Variants in UHRF1 observed in about 807,000 individuals in gnomAD.
UHRF1 encodes ubiquitin like with PHD and ring finger domains 1.
Under a neutral mutation model 96.5 loss-of-function variants are expected in UHRF1, and 9 were observed. The observed-to-expected ratio is 0.09, with a 90% CI of 0.06 to 0.16. The LOEUF (loss-of-function observed/expected upper bound fraction) is 0.16, where lower values mean the gene tolerates loss of function less well. Ranked by LOEUF, UHRF1 falls within the 10% of genes least tolerant of loss-of-function variation. The pLI is 1.00. For missense variants in UHRF1, 626 were observed against 1,131.1 expected (o/e 0.55, Z 6.40); for synonymous variants, 455 against 469.9 (o/e 0.97, Z 0.41).
At chr19:4,906,263 G>A (rs2032062415), upstream of UHRF1, among the ~76,000 whole-genome samples, 1 of 152,158 alleles carries the variant, frequency 6.6e-6, no homozygotes, top group African/African-American at 2.4e-5. Context: ...GCAGGTGTGA[G>A]CCACTGCACC....
At chr19:4,905,759 C>T (rs750298903), upstream of UHRF1, among the ~76,000 whole-genome samples, 51 of 152,040 alleles carry the variant, frequency 3.4e-4, no homozygotes, top group Non-Finnish European at 6.6e-4. Context: ...CTCAGTGATC[C>T]GCCTGCCTTG....
chr19:4,912,101 C>T lies in UHRF1; in HGVS notation c.153+1063C>T, dbSNP rs577094833. Among the ~76,000 whole-genome samples, 3 of 152,248 alleles carry T rather than the reference C, an allele frequency of 2.0e-5. No homozygotes were observed. The South Asian group carries it at 6.2e-4, about 32-fold the overall frequency. On this transcript the variant is annotated intron_variant, in intron 2 of 16. Transcript: ENST00000650932. Reference sequence around the variant, plus strand: ...GCATGCCATAGGAGACCTTCATTAGCCCTCTTCCCGTAAGAGACGTGATGA... The same window carrying T: ...GCATGCCATAGGAGACCTTCATTAGTCCTCTTCCCGTAAGAGACGTGATGA...
At chr19:4,941,292 T>C (rs2033390891) in intron 5 of UHRF1, among the ~76,000 whole-genome samples, 1 of 151,858 alleles carries the variant, frequency 6.6e-6, no homozygotes, top group Non-Finnish European at 1.5e-5. Context: ...GGGTTCACCA[T>C]GTTGGCCAGG....
At chr19:4,947,699 C>T (rs1406177756) in intron 11 of UHRF1, among the ~76,000 whole-genome samples, 1 of 151,166 alleles carries the variant, frequency 6.6e-6, no homozygotes, top group Non-Finnish European at 1.5e-5. Flanking sequence ...TGGGGTTTTG[C>T]CATGTTGGCC....
chr19:4,931,615 G>C (rs1555749108), intron 4 of UHRF1, among the ~76,000 whole-genome samples: 1 of 151,704 alleles, frequency 6.6e-6, no homozygotes, highest in Non-Finnish European at 1.5e-5. Context: ...TTACAGGTGT[G>C]TGGCCACCAC....
At chr19:4,934,181 G>A (rs762502562) in intron 5 of UHRF1, among the ~76,000 whole-genome samples, 10 of 151,540 alleles carry the variant, frequency 6.6e-5, no homozygotes, top group South Asian at 2.1e-4. Context: ...CCGCCACCAC[G>A]TCTGGCTAAT....
Position 4,954,917 on chromosome 19 carries a change from A to G in UHRF1, c.2130+95A>G. On this transcript the variant is annotated intron_variant, in intron 15 of 16. Transcript: ENST00000650932. The surrounding 1 kb of genome is among the most constrained non-coding windows in gnomAD (Gnocchi z 5.9). ...CCATGTTCCCCATTTTCAAGTGTAC[A>G]GCTCAGTCGCACTGAGTACATTCTT... 8 of 1,484,290 alleles carry G rather than the reference A, an allele frequency of 5.4e-6. No homozygotes were observed. The highest frequency in any genetic ancestry group is 7.4e-6 in the Non-Finnish European group (8 of 1,083,966). The allele number at this position is 1,484,290 out of a possible 1,614,324, so 91.9% of individuals were successfully genotyped here. A position where few individuals can be genotyped will look rare whatever the true frequency, so the allele number is the denominator to read the frequency against.
At chr19:4,911,268 T>G (rs1453701947) in intron 2 of UHRF1, among the ~76,000 whole-genome samples, 1 of 152,144 alleles carries the variant, frequency 6.6e-6, no homozygotes, top group Non-Finnish European at 1.5e-5. Context: ...CCCTCGAATC[T>G]ATAGGGTCTG....
chr19:4,908,962 G>A (rs542703186), upstream of UHRF1, among the ~76,000 whole-genome samples: 3 of 152,232 alleles, frequency 2.0e-5, no homozygotes, highest in Admixed American at 6.5e-5. Flanking sequence ...TGGAGAAGGC[G>A]GGAAAACGAG....
chr19:4,941,710 C>A, intron 6 of UHRF1, 35 bp from the exon 7 acceptor site: 1 of 1,557,288 alleles, frequency 6.4e-7, no homozygotes, highest in Non-Finnish European at 8.7e-7. Flanking sequence ...CTTGGCCGGG[C>A]CCCGCCGGAG....
chr19:4,945,473 G>A (rs1022317652), intron 9 of UHRF1, among the ~76,000 whole-genome samples: 13 of 151,952 alleles, frequency 8.6e-5, no homozygotes, highest in Non-Finnish European at 2.9e-5. Flanking sequence ...TGGCCAGGCT[G>A]GTCTTGAACT....
At position 4,943,182 on chromosome 19, in the gene UHRF1, G is replaced by A. The variant is rs1236228221; in HGVS notation, c.1074-950G>A. 2.0e-5 allele frequency among the ~76,000 whole-genome samples: 3 copies of A among 151,924 alleles called. No homozygotes were observed. The South Asian group carries it at 6.3e-4, about 32-fold the overall frequency. ...TTGAACCTGGGAGGCGGAGGTTGCC[G>A]TGAACTGAGATCGCGCCACTGCACT... On this transcript the variant is annotated intron_variant, in intron 7 of 16. Transcript: ENST00000650932.
chr19:4,919,237 TC>T (rs373953440), intron 2 of UHRF1, among the ~76,000 whole-genome samples: 64 of 151,832 alleles, frequency 4.2e-4, no homozygotes, highest in African/African-American at 1.4e-3. Flanking sequence ...CAAGTGATCC[TC>T]CCGTCTTGGC....
At chr19:4,905,343 T>C (rs1284565269), upstream of UHRF1, among the ~76,000 whole-genome samples, 2 of 151,100 alleles carry the variant, frequency 1.3e-5, no homozygotes, top group Admixed American at 1.3e-4. Context: ...ATGGTCTCCA[T>C]CTCCTGACCT....
chr19:4,929,865 A>C (rs1013671156), intron 3 of UHRF1, among the ~76,000 whole-genome samples: 1 of 151,736 alleles, frequency 6.6e-6, no homozygotes, highest in Non-Finnish European at 1.5e-5. Flanking sequence ...CAGCCGTGTG[A>C]TCACAGCTCA....
chr19:4,907,195 C>T (rs780887429), upstream of UHRF1, among the ~76,000 whole-genome samples: 50 of 152,076 alleles, frequency 3.3e-4, no homozygotes, highest in Non-Finnish European at 4.9e-4. Context: ...CTGCAACCTC[C>T]GTCTCCTGGG....
At chr19:4,921,365 G>A (rs1429560560) in intron 2 of UHRF1, among the ~76,000 whole-genome samples, 1 of 152,130 alleles carries the variant, frequency 6.6e-6, no homozygotes, top group South Asian at 2.1e-4. Context: ...CTTGAACCTG[G>A]GAGGCGGAGG....
Position 4,917,289 on chromosome 19 carries a change from C to G in UHRF1, c.153+6251C>G, listed in dbSNP as rs547930476. Among the ~76,000 whole-genome samples, 9 of 152,054 alleles carry G rather than the reference C, an allele frequency of 5.9e-5. No homozygotes were observed. In the South Asian group the frequency reaches 1.9e-3, roughly 32 times the overall value. On this transcript the variant is annotated intron_variant, in intron 2 of 16. Transcript: ENST00000650932. ...TAAGTTTTCAAAAGGAATCAGCAAA[C>G]TTAGTTATCAAGTTGTATTTGTATT...
chr19:4,957,863 G>A (rs1423037930), intron 16 of UHRF1, among the ~76,000 whole-genome samples: 1 of 152,172 alleles, frequency 6.6e-6, no homozygotes, highest in African/African-American at 2.4e-5. Flanking sequence ...TGTGGGTCTG[G>A]GTGATGGTTT....
Sources: gnomAD v4.1 joint callset for allele counts (sites outside exome capture counted in the v4.1 genomes callset) on GRCh38, gnomAD v4.1.1 for gene constraint, Gnocchi (gnomAD v3.1) non-coding constraint, MANE v1.5 for transcripts, NCBI Gene and HGNC (gene_info 2026-07-23, HGNC 2026-07-21) for gene names.